The following MDGA2 variants were observed in gnomAD, a reference collection of about 807,000 sequenced individuals.
MDGA2 encodes the protein MAM domain containing glycosylphosphatidylinositol anchor 2.
A neutral mutation model predicts 117.8 loss-of-function variants in MDGA2; 40 were observed. That is an observed-to-expected ratio of 0.34 (90% CI 0.26 to 0.44). The LOEUF is 0.44. MDGA2 is among the 20% of genes least tolerant of loss of function. The pLI, the probability that MDGA2 is intolerant of heterozygous loss-of-function variation, is 1.00. For synonymous variants in MDGA2, 452 were observed against 439.0 expected, an observed-to-expected ratio of 1.03 and a Z score of -0.37; for missense variants, 1,123 against 1,250.6, an observed-to-expected ratio of 0.90 and a Z score of 1.54.
intron 3 of MDGA2, among the ~76,000 whole-genome samples, chr14:47,172,629 C>T (rs890350184): frequency 3.9e-5 from 6 of 152,046 alleles, no homozygotes; most frequent in African/African-American, 1.2e-4. Context: ...AAAGGACATC[C>T]ACACCAAAAA....
chr14:47,670,932 A>G (rs747274125), intron 1 of MDGA2, among the ~76,000 whole-genome samples: 7 of 152,176 alleles, frequency 4.6e-5, no homozygotes, highest in Non-Finnish European at 7.4e-5. Flanking sequence ...TATATGTCAA[A>G]TGGGTAGTAT....
chr14:47,191,137 T>C (rs544081849), intron 3 of MDGA2, among the ~76,000 whole-genome samples: 27 of 152,100 alleles, frequency 1.8e-4, no homozygotes, highest in African/African-American at 6.3e-4. Context: ...TATATATACA[T>C]ATCTGTGTGT....
chr14:46,864,065 C>T (rs1210044232), intron 14 of MDGA2, among the ~76,000 whole-genome samples: 2 of 147,634 alleles, frequency 1.4e-5, no homozygotes. Context: ...TCCCTCCCCC[C>T]TCCCCCCACC....
intron 2 of MDGA2, among the ~76,000 whole-genome samples, chr14:47,236,180 G>A (rs1998887): frequency 0.98 from 148,390 of 151,490 alleles, 72,697 homozygotes; most frequent in East Asian, 1. Context: ...AGTCCCAGCT[G>A]CTCAGGAGGC....
intron 6 of MDGA2, among the ~76,000 whole-genome samples, chr14:47,068,588 T>C (rs1221201902): frequency 2.0e-5 from 3 of 151,910 alleles, no homozygotes; most frequent in African/African-American, 7.2e-5. Flanking sequence ...TGTTAAAAAT[T>C]AGTGGGTATT....
intron 1 of MDGA2, among the ~76,000 whole-genome samples, chr14:47,477,891 A>G (rs1382504490): frequency 6.6e-6 from 1 of 152,170 alleles, no homozygotes; most frequent in Non-Finnish European, 1.5e-5. Context: ...TAGAGGAGAA[A>G]ACTTTGTCCC....
chr14:47,290,878 G>C (rs1888863031), intron 2 of MDGA2, among the ~76,000 whole-genome samples: 1 of 151,960 alleles, frequency 6.6e-6, no homozygotes, highest in Non-Finnish European at 1.5e-5. Flanking sequence ...GTGAATCTCT[G>C]AGAAGACATG....
At chr14:47,247,632 T>TTTA (rs71448183) in intron 2 of MDGA2, among the ~76,000 whole-genome samples, 34,396 of 145,822 alleles carry the variant, frequency 0.24, 5,555 homozygotes, top group East Asian at 0.63. Context: ...TCAGTACATA[T>TTTA]TTATTATTAT....
chr14:46,844,960 C>A (rs978182654), intron 16 of MDGA2, among the ~76,000 whole-genome samples: 1 of 152,186 alleles, frequency 6.6e-6, no homozygotes, highest in Non-Finnish European at 1.5e-5. Context: ...TGGCTCACTG[C>A]AAGCTCCGCC....
intron 1 of MDGA2, among the ~76,000 whole-genome samples, chr14:47,339,645 CCTTCCT>C (rs1377813400): frequency 6.6e-6 from 1 of 152,126 alleles, no homozygotes; most frequent in Non-Finnish European, 1.5e-5. Context: ...TGCTGGCTCC[CCTTCCT>C]CTTTCACCAT....
At chr14:47,428,407 A>G (rs1265621824) in intron 1 of MDGA2, among the ~76,000 whole-genome samples, 1 of 152,144 alleles carries the variant, frequency 6.6e-6, no homozygotes, top group Non-Finnish European at 1.5e-5. Context: ...GTGAGTTATC[A>G]TTCAATCTCA....
intron 1 of MDGA2, among the ~76,000 whole-genome samples, chr14:47,575,972 G>T (rs1365024667): frequency 6.6e-6 from 1 of 152,080 alleles, no homozygotes; most frequent in African/African-American, 2.4e-5. Flanking sequence ...TTCCTCTGAA[G>T]AACTATTATA....
At position 46,959,160 on chromosome 14, in the gene MDGA2, A is replaced by G. The variant is rs545249794; in HGVS notation, c.1820-1517T>C. ...CTGTTTTGAGGTTATGCTATTAAGT[A>G]TATATGAATTTAGAATTGTTTTATG... On this transcript the variant is annotated intron_variant, in intron 8 of 16. Coordinates refer to ENST00000399232, the MANE Select transcript of MDGA2 (RefSeq NM_001113498.3). 3.3e-5 allele frequency among the ~76,000 whole-genome samples: 5 copies of G among 152,138 alleles called. No individual in the cohort carries two copies. In the East Asian group the frequency reaches 9.7e-4, roughly 29 times the overall value.
intron 4 of MDGA2, among the ~76,000 whole-genome samples, chr14:47,133,012 A>G (rs1185944153): frequency 6.6e-6 from 1 of 151,498 alleles, no homozygotes; most frequent in Admixed American, 6.6e-5. Flanking sequence ...ATGAATCTCT[A>G]TTCTAGTGTG....
rs776016249 is a variant in MDGA2 at position 47,035,227 on chromosome 14, G to C, written c.1603C>G (p.Gln535Glu). 6.8e-6 allele frequency: 11 copies of C among 1,614,088 alleles called. No homozygotes were observed. The highest frequency in any genetic ancestry group is 1.3e-5 in the African/African-American group (1 of 75,020). Residue 535 changes from glutamine to glutamate, a missense_variant, in exon 8 of 17, where the codon CAA (glutamine) becomes GAA (glutamate). By Grantham distance (29) the Gln-to-Glu change is conservative. Around this residue, in one of 2 missense-constraint regions of MDGA2, gnomAD observed 890 missense variants for 1,050.3 expected, o/e 0.85. Transcript: ENST00000399232. Reference sequence around the variant, plus strand: ...ATTGGTTTAGGTTTGCCAGTTACTTGACATTGCAGTTCTATTGTGTCTCCT... The same window carrying C: ...ATTGGTTTAGGTTTGCCAGTTACTTCACATTGCAGTTCTATTGTGTCTCCT... The part of the protein sequence containing the change: ...REGDTIELQC[Q>E]VTGKPKPIIL...
intron 9 of MDGA2, among the ~76,000 whole-genome samples, chr14:46,956,657 AAAT>A (rs1885573456): frequency 6.6e-6 from 1 of 152,054 alleles, no homozygotes; most frequent in African/African-American, 2.4e-5. Flanking sequence ...AGAAAAAAAA[AAAT>A]GTTTGCAACT....
At chr14:47,185,239 A>G (rs1884863743) in intron 3 of MDGA2, among the ~76,000 whole-genome samples, 1 of 151,328 alleles carries the variant, frequency 6.6e-6, no homozygotes, top group African/African-American at 2.4e-5. Flanking sequence ...TTAATGTAGA[A>G]AAATAAGGCA....
At chr14:47,505,247 C>T (rs1349810309) in intron 1 of MDGA2, among the ~76,000 whole-genome samples, 3 of 151,908 alleles carry the variant, frequency 2.0e-5, no homozygotes, top group Non-Finnish European at 2.9e-5. Flanking sequence ...TCAACAGGTG[C>T]GAACTTACAA....
At chr14:46,846,867 C>T (rs1463954002) in intron 15 of MDGA2, among the ~76,000 whole-genome samples, 1 of 152,224 alleles carries the variant, frequency 6.6e-6, no homozygotes, top group East Asian at 1.9e-4. Flanking sequence ...TAACATCAAT[C>T]TGGTAATGTG....
Sources: gnomAD v4.1 joint callset for allele counts (sites outside exome capture counted in the v4.1 genomes callset) on GRCh38, gnomAD v4.1.1 for gene constraint, gnomAD v4.1.1 regional missense constraint, MANE v1.5 for transcripts, NCBI Gene and HGNC (gene_info 2026-07-23, HGNC 2026-07-21) for gene names.